CRELD1: variants seen among roughly 807,000 people sequenced by gnomAD.
CRELD1 encodes protein disulfide isomerase CRELD1.
CRELD1 carries 42 observed loss-of-function variants against 58.2 expected under a neutral mutation model. That is an observed-to-expected ratio of 0.72 (90% CI 0.56 to 0.93). CRELD1 has a LOEUF of 0.93. Among genes scored for constraint, CRELD1 ranks in the 40% least tolerant of loss-of-function variants. The probability of loss-of-function intolerance (pLI) is 0.00; values close to 1 mark genes in which losing one functional copy is unlikely to be tolerated. For synonymous variants in CRELD1, 222 were observed against 202.0 expected (o/e 1.10, Z -0.84); for missense variants, 500 against 540.6 (o/e 0.92, Z 0.74).
rs1402138626 is a variant in CRELD1, at chr3:9,944,619, G to T, written c.*40G>T. Reference sequence around the variant, plus strand: ...TGTAGGACCTCCTCCCACCCACGCTGCCCCCAGAGCTTGGGCTGCCCTCCT... The same window carrying T: ...TGTAGGACCTCCTCCCACCCACGCTTCCCCCAGAGCTTGGGCTGCCCTCCT... On this transcript the variant is annotated 3_prime_UTR_variant, in exon 11 of 11. Coordinates refer to ENST00000452070, the MANE Select transcript of CRELD1 (RefSeq NM_001077415.3). 1 of 1,530,774 alleles carries T rather than the reference G, an allele frequency of 6.5e-7. No homozygotes were observed. Among genetic ancestry groups the T allele is most frequent in the Admixed American group, 1.9e-5 (1 of 52,748 alleles). The allele number at this position is 1,530,774 out of a possible 1,614,324, so 94.8% of individuals were successfully genotyped here. A position where few individuals can be genotyped will look rare whatever the true frequency, so the allele number is the denominator to read the frequency against.
chr3:9,943,310 G>A, intron 9 of CRELD1, 71 bp from the exon 10 acceptor site: 1 of 1,599,682 alleles, frequency 6.3e-7, no homozygotes, highest in Non-Finnish European at 8.6e-7. Context: ...AGTGTTGAGA[G>A]ATGGACAAGA....
chr3:9,938,209 A>T (rs2085250164), intron 5 of CRELD1, 103 bp downstream of exon 5: 2 of 894,802 alleles, frequency 2.2e-6, no homozygotes, highest in Non-Finnish European at 3.6e-6. Context: ...GGCTACTCAG[A>T]TAAACTTCTC....
Position 9,940,977 on chromosome 3 carries a change from C to A in CRELD1, c.588C>A (p.Gly196=), listed in dbSNP as rs770469582. 4.5e-5 allele frequency: 73 copies of A among 1,613,996 alleles called. No individual in the cohort carries two copies. The highest frequency in any genetic ancestry group is 6.1e-5 in the Non-Finnish European group (72 of 1,180,030). Residue 196 remains glycine, a synonymous_variant, in exon 6 of 11, where the codon GGC becomes GGA. Coordinates refer to ENST00000452070, the MANE Select transcript of CRELD1 (RefSeq NM_001077415.3). ...GGGGTGAGGCCTGTGGCCAGTGTGG[C>A]CTTGGCTACTTTGAGGCAGAACGCA... is the stretch of plus-strand genomic sequence containing the variant. The part of the protein sequence containing the change: ...GYGGEACGQC[G]LGYFEAERNA...
chr3:9,943,479 C>T lies in CRELD1; in HGVS notation c.1012C>T (p.Gln338Ter). The part of the protein sequence containing the change: ...YRCICAEGYK[Q>*]MEGICVKEQI... ...CTGCATCTGTGCCGAGGGCTACAAG[C>T]AGATGGAAGGCATCTGTGTGAAGGA... The change falls in exon 10 of 11, where the codon CAG becomes TAG. Residue 338 changes from glutamine to a stop codon, truncating the protein, a stop_gained. Transcript: ENST00000452070. LOFTEE classifies it high-confidence loss of function. 1 of 1,614,066 alleles carries T rather than the reference C, an allele frequency of 6.2e-7. No homozygotes were observed. Among genetic ancestry groups the T allele is most frequent in the East Asian group, 2.2e-5 (1 of 44,854 alleles).
rs990187338 is a variant in CRELD1 at position 9,944,617 on chromosome 3, C to G, written c.*38C>G. 4 of 1,544,698 alleles carry G rather than the reference C, an allele frequency of 2.6e-6. No homozygotes were observed. The African/African-American group carries it at 4.1e-5, about 16-fold the overall frequency. On this transcript the variant is annotated 3_prime_UTR_variant, in exon 11 of 11. Coordinates refer to ENST00000452070, the MANE Select transcript of CRELD1 (RefSeq NM_001077415.3). ...CCTGTAGGACCTCCTCCCACCCACG[C>G]TGCCCCCAGAGCTTGGGCTGCCCTC... is the stretch of plus-strand genomic sequence containing the variant.
chr3:9,942,951 C>A, intron 8 of CRELD1, 55 bp downstream of exon 8: 1 of 1,545,416 alleles, frequency 6.5e-7, no homozygotes, highest in South Asian at 1.1e-5. Context: ...AAGAGCTGCT[C>A]CACACCTGTC....
At chr3:9,938,723 G>A (rs1427162993) in intron 5 of CRELD1, 2 of 152,716 alleles carry the variant, frequency 1.3e-5, no homozygotes, top group African/African-American at 4.8e-5. Context: ...AGCCGGGCAT[G>A]GTGGCGGGCG....
intron 2 of CRELD1, 22 bp downstream of exon 2, chr3:9,934,634 T>TTAGAGGGG (rs748611803): frequency 6.2e-6 from 10 of 1,610,992 alleles, no homozygotes; most frequent in Middle Eastern, 3.3e-4. Context: ...GGCAGCCTCG[T>TTAGAGGGG]TAGAGGGGAA....
chr3:9,936,539 G>A (rs1203127742), intron 3 of CRELD1, among the ~76,000 whole-genome samples: 3 of 129,964 alleles, frequency 2.3e-5, no homozygotes, highest in East Asian at 2.1e-4. Flanking sequence ...ATATATGTGC[G>A]TATATATATG....
chr3:9,937,035 G>A lies in CRELD1; in HGVS notation c.258-527G>A, dbSNP rs1004253295. Reference sequence around the variant, plus strand: ...CTATGAACATTGTCTACAAGTTTTCGTTTGAACACCTGTTTTCCATTCTTT... The same window carrying A: ...CTATGAACATTGTCTACAAGTTTTCATTTGAACACCTGTTTTCCATTCTTT... On this transcript the variant is annotated intron_variant, in intron 3 of 10. Transcript: ENST00000452070. Among the ~76,000 whole-genome samples, 8 of 152,172 alleles carry A rather than the reference G, an allele frequency of 5.3e-5. No homozygotes were observed. In the South Asian group the frequency reaches 6.2e-4, roughly 12 times the overall value.
rs1396186755 is a variant in CRELD1, at chr3:9,934,447, A to G, written c.9A>G (p.Pro3=). Residue 3 remains proline, a synonymous_variant, in exon 2 of 11, where the codon CCA becomes CCG. Coordinates refer to ENST00000452070, the MANE Select transcript of CRELD1 (RefSeq NM_001077415.3). ...CCCCAGCCTGGGTAAAGATGGCCCC[A>G]TGGCCCCCGAAGGGCCTAGTCCCAG... MA[P]WPPKGLVPAM... is the part of the protein sequence containing the mutation. The G allele has an allele frequency of 6.2e-7, 1 of 1,613,566 alleles. No homozygotes were observed. The highest frequency in any genetic ancestry group is 1.3e-5 in the African/African-American group (1 of 74,884).
chr3:9,941,122 C>T lies in CRELD1; in HGVS notation c.649C>T (p.Pro217Ser), dbSNP rs2124850256. The T allele has an allele frequency of 1.2e-6, 2 of 1,614,192 alleles. No individual in the cohort carries two copies. The highest frequency in any genetic ancestry group is 4.5e-5 in the East Asian group (2 of 44,860). The change falls in exon 7 of 11, where the codon CCC (proline) becomes TCC (serine). Residue 217 changes from proline to serine, a missense_variant. Pro to Ser is a moderately conservative substitution (Grantham distance 74, BLOSUM62 -1). Coordinates refer to ENST00000452070, the MANE Select transcript of CRELD1 (RefSeq NM_001077415.3). ...CCCATTCCACCCAGCTTGTTTTGGC[C>T]CCTGTGCCCGATGCTCAGGACCTGA... is the stretch of plus-strand genomic sequence containing the variant. ...SHLVCSACFG[P>S]CARCSGPEES...
intron 3 of CRELD1, among the ~76,000 whole-genome samples, chr3:9,937,212 T>C (rs1208609555): frequency 6.6e-6 from 1 of 152,112 alleles, no homozygotes; most frequent in Non-Finnish European, 1.5e-5. Context: ...TGCCAACACT[T>C]GTTATAGGAT....
In CRELD1 at chr3:9,934,081, G is replaced by A. The variant is rs374072645; in HGVS notation, c.-20+161G>A. On this transcript the variant is annotated intron_variant, in intron 1 of 10. Transcript: ENST00000452070. The stretch of plus-strand genomic sequence containing the variant: ...AACCCCTCTGGCCTCCTCTCCTTCA[G>A]TACTTGGAATCTGATCTCTTCTCCC... The A allele has an allele frequency of 8.8e-5, 32 of 362,396 alleles. 1 individual carries two copies. Among genetic ancestry groups the A allele is most frequent in the South Asian group, 6.1e-4 (21 of 34,276 alleles). 22.4% of individuals were successfully genotyped at this position (362,396 alleles called of 1,614,324 possible).
At chr3:9,934,734 C>T in intron 2 of CRELD1, 101 bp from the exon 3 acceptor site, 2 of 1,494,302 alleles carry the variant, frequency 1.3e-6, no homozygotes, top group Non-Finnish European at 1.8e-6. Flanking sequence ...TGGCCCTAGG[C>T]AGGTTGCCTT....
At chr3:9,944,279 C>A in intron 10 of CRELD1, 86 bp from the exon 11 acceptor site, 1 of 1,220,694 alleles carries the variant, frequency 8.2e-7, no homozygotes, top group Non-Finnish European at 1.2e-6. Context: ...CCATGATGAT[C>A]AGGTGTGTGG....
chr3:9,944,067 A>G (rs767832606), intron 10 of CRELD1: 4 of 800,074 alleles, frequency 5.0e-6, no homozygotes, highest in Admixed American at 3.4e-5. Context: ...CAATCCAGAC[A>G]GTCTGACCGT....
Position 9,934,557 on chromosome 3 carries a change from C to A in CRELD1, c.119C>A (p.Pro40Gln), listed in dbSNP as rs374955769. 3 of 1,614,104 alleles carry A rather than the reference C, an allele frequency of 1.9e-6. No homozygotes were observed. The highest frequency in any genetic ancestry group is 8.5e-7 in the Non-Finnish European group (1 of 1,180,010). The change falls in exon 2 of 11, where the codon CCG (proline) becomes CAG (glutamine). Residue 40 changes from proline to glutamine, a missense_variant. By Grantham distance (76) the Pro-to-Gln change is moderately conservative. Coordinates refer to ENST00000452070, the MANE Select transcript of CRELD1 (RefSeq NM_001077415.3). Reference sequence around the variant, plus strand: ...TCTCCACCTCCCCAGTCTTCTCCCCCGCCTCAGCCCCATCCGTGTCATACC... The same window carrying A: ...TCTCCACCTCCCCAGTCTTCTCCCCAGCCTCAGCCCCATCCGTGTCATACC... ...QPSPPPQSSP[P>Q]PQPHPCHTCR... is the part of the protein sequence containing the mutation.
intron 10 of CRELD1, 57 bp downstream of exon 10, chr3:9,943,572 C>T: frequency 1.2e-6 from 2 of 1,612,146 alleles, no homozygotes; most frequent in Non-Finnish European, 8.5e-7. Flanking sequence ...CAGGCAAGCC[C>T]CTTCCCCAGG....
Sources: gnomAD v4.1 joint callset for allele counts (sites outside exome capture counted in the v4.1 genomes callset) on GRCh38, gnomAD v4.1.1 for gene constraint, MANE v1.5 for transcripts, NCBI Gene and HGNC (gene_info 2026-07-23, HGNC 2026-07-21) for gene names.